Variants in XKR9 observed in about 807,000 individuals in gnomAD.
XKR9 encodes XK-related protein 9.
A neutral mutation model predicts 32.0 loss-of-function variants in XKR9; 32 were observed. The ratio of observed to expected loss-of-function variants is 1.00; its 90% CI spans 0.76 to 1.34. The LOEUF (loss-of-function observed/expected upper bound fraction) is 1.34. Ranked by LOEUF, XKR9 falls within the 40% of genes most tolerant of loss-of-function variation. XKR9 has a pLI of 0.00. For missense variants in XKR9, 546 were observed against 429.7 expected, an observed-to-expected ratio of 1.27 and a Z score of -2.39; for synonymous variants, 168 against 143.4, an observed-to-expected ratio of 1.17 and a Z score of -1.22.
the XKR9 span, among the ~76,000 whole-genome samples, chr8:70,924,837 C>T: frequency 6.6e-6 from 1 of 152,156 alleles, no homozygotes; most frequent in Non-Finnish European, 1.5e-5. Context: ...TCAAATAGCA[C>T]CAAATAAGAT....
chr8:70,931,012 C>G, the XKR9 span, among the ~76,000 whole-genome samples: 3 of 152,068 alleles, frequency 2.0e-5, no homozygotes, highest in Admixed American at 6.6e-5. Flanking sequence ...TTTGGCTGGG[C>G]AAATTGTTAA....
intron 2 of XKR9, among the ~76,000 whole-genome samples, chr8:70,741,122 C>G (rs564294914): frequency 6.6e-6 from 1 of 152,246 alleles, no homozygotes; most frequent in Non-Finnish European, 1.5e-5. Flanking sequence ...TGGGTTCCAC[C>G]CAGTTCGAGC....
At chr8:70,774,221 A>G (rs1319477625) in intron 2 of XKR9, among the ~76,000 whole-genome samples, 1 of 152,226 alleles carries the variant, frequency 6.6e-6, no homozygotes, top group Non-Finnish European at 1.5e-5. Context: ...TAGAAAAAGG[A>G]AAACAGTAAA....
At chr8:70,839,588 T>G in the XKR9 span, among the ~76,000 whole-genome samples, 1 of 152,196 alleles carries the variant, frequency 6.6e-6, no homozygotes, top group Admixed American at 6.5e-5. Context: ...AAACTGATAT[T>G]CTTGCAAAAT....
At chr8:70,916,686 TCTTG>T in the XKR9 span, among the ~76,000 whole-genome samples, 1 of 152,148 alleles carries the variant, frequency 6.6e-6, no homozygotes, top group African/African-American at 2.4e-5. Flanking sequence ...TCATAAGCTG[TCTTG>T]TTGGATTTTG....
At chr8:70,788,015 T>G (rs1807711341) in intron 2 of XKR9, among the ~76,000 whole-genome samples, 1 of 152,106 alleles carries the variant, frequency 6.6e-6, no homozygotes. Context: ...GAAAAAAGTC[T>G]AATATTTTGA....
At chr8:70,966,005 T>G in the XKR9 span, among the ~76,000 whole-genome samples, 12 of 152,298 alleles carry the variant, frequency 7.9e-5, no homozygotes, top group African/African-American at 2.9e-4. Flanking sequence ...AGTTGCGATC[T>G]TAGGTTGCTG....
At chr8:71,065,301 G>A in the XKR9 span, among the ~76,000 whole-genome samples, 1 of 152,116 alleles carries the variant, frequency 6.6e-6, no homozygotes. Context: ...GACAGGATTG[G>A]TGGCCTTATA....
At chr8:70,707,414 T>C (rs1323105150) in intron 4 of XKR9, among the ~76,000 whole-genome samples, 1 of 152,074 alleles carries the variant, frequency 6.6e-6, no homozygotes, top group African/African-American at 2.4e-5. Context: ...TCCTTTTTTT[T>C]CTTTTTTCTT....
the XKR9 span, among the ~76,000 whole-genome samples, chr8:70,945,547 A>G: frequency 6.6e-6 from 1 of 151,858 alleles, no homozygotes; most frequent in African/African-American, 2.4e-5. Context: ...AGGGAAGAAA[A>G]TTGTGTTAGT....
At chr8:70,848,971 A>G in the XKR9 span, among the ~76,000 whole-genome samples, 1 of 152,174 alleles carries the variant, frequency 6.6e-6, no homozygotes, top group Non-Finnish European at 1.5e-5. Context: ...AGACCTACAA[A>G]GAGACTTAGA....
intron 3 of XKR9, among the ~76,000 whole-genome samples, chr8:70,704,245 C>T (rs766730869): frequency 6.6e-6 from 1 of 151,772 alleles, no homozygotes; most frequent in Non-Finnish European, 1.5e-5. Context: ...GAAACTGTGT[C>T]CTATTGATTA....
chr8:71,000,299 G>A, the XKR9 span, among the ~76,000 whole-genome samples: 1 of 152,114 alleles, frequency 6.6e-6, no homozygotes, highest in Non-Finnish European at 1.5e-5. Context: ...TCTGAGTGGG[G>A]ACAAGACATT....
chr8:70,982,288 T>C, the XKR9 span, among the ~76,000 whole-genome samples: 3 of 151,956 alleles, frequency 2.0e-5, no homozygotes, highest in African/African-American at 7.3e-5. Context: ...CCAGCGTGAG[T>C]AGAGAAAGAC....
chr8:70,933,076 T>C, the XKR9 span, among the ~76,000 whole-genome samples: 4 of 152,112 alleles, frequency 2.6e-5, no homozygotes, highest in Admixed American at 6.6e-5. Context: ...GGGCAAGATA[T>C]TCATTAGGCT....
intron 2 of XKR9, among the ~76,000 whole-genome samples, chr8:70,757,976 G>T (rs748737651): frequency 1.3e-5 from 2 of 152,122 alleles, no homozygotes; most frequent in African/African-American, 2.4e-5. Flanking sequence ...TATGTTGTCT[G>T]CTCTCCCACT....
chr8:70,798,823 G>C, the XKR9 span, among the ~76,000 whole-genome samples: 1 of 152,144 alleles, frequency 6.6e-6, no homozygotes, highest in Non-Finnish European at 1.5e-5. Context: ...CCCATTGCTT[G>C]TATTTGTTGA....
the XKR9 span, among the ~76,000 whole-genome samples, chr8:70,948,576 A>G: frequency 8.5e-5 from 13 of 152,226 alleles, no homozygotes; most frequent in East Asian, 2.5e-3. Context: ...ATGGCATGTC[A>G]TTCTCTCTGG....
the XKR9 span, among the ~76,000 whole-genome samples, chr8:70,857,325 A>G: frequency 5.3e-5 from 8 of 151,438 alleles, no homozygotes; most frequent in East Asian, 1.9e-4. Context: ...ACAAACTACC[A>G]TCAGAGAATA....
Sources: allele counts gnomAD v4.1 joint callset (sites outside exome capture counted in the v4.1 genomes callset), GRCh38; gene constraint gnomAD v4.1.1; transcripts MANE v1.5; gene names NCBI Gene and HGNC (gene_info 2026-07-23, HGNC 2026-07-21).